Variants in ICAM2 observed in about 807,000 individuals in gnomAD.
The protein encoded by ICAM2 is intercellular adhesion molecule 2.
In ICAM2, 14 loss-of-function variants were observed where a neutral mutation model predicts 19.1. That is an observed-to-expected ratio of 0.73 (90% CI 0.48 to 1.15). The LOEUF is 1.15. Among genes scored for constraint, ICAM2 ranks in the 50% most tolerant of loss-of-function variants. The pLI is 0.00. For missense variants in ICAM2, 311 were observed against 355.4 expected, an observed-to-expected ratio of 0.88 and a Z score of 1.00; for synonymous variants, 153 against 152.7, an observed-to-expected ratio of 1.00 and a Z score of -0.01.
intron 1 of ICAM2, among the ~76,000 whole-genome samples, chr17:64,012,181 G>A (rs2079771): frequency 0.87 from 131,927 of 152,252 alleles, 60,370 homozygotes; most frequent in East Asian, 1. Flanking sequence ...GGCAAATACT[G>A]GCCAGGTATG....
At chr17:64,008,295 G>A (rs529468351) in intron 1 of ICAM2, among the ~76,000 whole-genome samples, 248 of 152,276 alleles carry the variant, frequency 1.6e-3, no homozygotes, top group African/African-American at 5.9e-3. Context: ...TGTGGGGCCA[G>A]CAAAGTCCTG....
At chr17:64,020,283 C>T (rs929022050) in intron 1 of ICAM2, 5 of 151,788 alleles carry the variant, frequency 3.3e-5, no homozygotes, top group Non-Finnish European at 7.3e-5. Flanking sequence ...GGAGACAAAT[C>T]AGGAAAGGAG....
chr17:64,006,452 A>G, intron 2 of ICAM2, 179 bp downstream of exon 2: 1 of 604,896 alleles, frequency 1.7e-6, no homozygotes, highest in Non-Finnish European at 3.0e-6. Flanking sequence ...AGCCATGATC[A>G]TGCCACTGTA....
chr17:64,005,431 G>T, intron 2 of ICAM2, 58 bp from the exon 3 acceptor site: 1 of 1,573,236 alleles, frequency 6.4e-7, no homozygotes, highest in South Asian at 1.2e-5. Flanking sequence ...GCCCTCCAGT[G>T]GAGCTGTCCA....
intron 1 of ICAM2, among the ~76,000 whole-genome samples, chr17:64,014,572 A>AAAGG (rs767997641): frequency 2.1e-5 from 3 of 140,678 alleles, no homozygotes; most frequent in African/African-American, 2.6e-5. Context: ...AGAGAGAGAG[A>AAAGG]AAGGAAGGAA....
chr17:64,018,713 C>CTTTTTTTT (rs67934258), intron 1 of ICAM2, among the ~76,000 whole-genome samples: 3 of 62,884 alleles, frequency 4.8e-5, no homozygotes, highest in Admixed American at 2.8e-4. Context: ...GTTTACTTCT[C>CTTTTTTTT]TTTTTTTTTT....
At chr17:64,013,236 T>TGGGGGG (rs923999394) in intron 1 of ICAM2, among the ~76,000 whole-genome samples, 4 of 152,038 alleles carry the variant, frequency 2.6e-5, no homozygotes, top group Admixed American at 2.6e-4. Context: ...TGCCTGAACA[T>TGGGGGG]GGGAGGCAGA....
Position 64,003,883 on chromosome 17 carries a change from G to A in ICAM2, c.410C>T (p.Pro137Leu), listed in dbSNP as rs1388491885. 6.2e-7 allele frequency: 1 copy of A among 1,614,170 alleles called. No individual in the cohort carries two copies. Among genetic ancestry groups the A allele is most frequent in the Admixed American group, 1.7e-5 (1 of 60,024 alleles). ...GKSFTIECRV[P>L]TVEPLDSLTL... ...GAGGCTGTCCAGGGGCTCCACGGTGGGCACCCTGCACTCAATGGTGAAGGA... is the reference window on the plus strand; with the variant it reads ...GAGGCTGTCCAGGGGCTCCACGGTGAGCACCCTGCACTCAATGGTGAAGGA... The change falls in exon 4 of 5, where the codon CCC (proline) becomes CTC (leucine). Residue 137 changes from proline (P) to leucine (L), a missense_variant. Coordinates refer to ENST00000579788, the MANE Select transcript of ICAM2 (RefSeq NM_001099789.2).
At chr17:64,012,566 C>T (rs1911498929) in intron 1 of ICAM2, among the ~76,000 whole-genome samples, 1 of 152,078 alleles carries the variant, frequency 6.6e-6, no homozygotes, top group Admixed American at 6.6e-5. Context: ...TGCCACTGCA[C>T]TCCAGCTTGG....
At chr17:64,007,412 G>A (rs115591100) in intron 1 of ICAM2, among the ~76,000 whole-genome samples, 130 of 152,062 alleles carry the variant, frequency 8.5e-4, no homozygotes, top group African/African-American at 2.8e-3. Flanking sequence ...ACAGGATCGC[G>A]TCACCACACC....
intron 1 of ICAM2, among the ~76,000 whole-genome samples, chr17:64,013,235 A>T (rs1419503824): frequency 6.6e-6 from 1 of 152,062 alleles, no homozygotes; most frequent in East Asian, 1.9e-4. Context: ...TTGCCTGAAC[A>T]TGGGAGGCAG....
chr17:64,003,027 G>A (rs1157822602), intron 4 of ICAM2, 102 bp from the exon 5 acceptor site: 14 of 1,003,134 alleles, frequency 1.4e-5, no homozygotes, highest in Admixed American at 1.0e-4. Flanking sequence ...CCCAGACCCC[G>A]CCGCCCGCTC....
At chr17:64,011,583 A>G (rs1040685487) in intron 1 of ICAM2, among the ~76,000 whole-genome samples, 10 of 152,062 alleles carry the variant, frequency 6.6e-5, no homozygotes, top group Admixed American at 5.2e-4. Context: ...TAGAATGGCT[A>G]TTTTCAAAAA....
At chr17:64,009,052 G>A (rs1911337267) in intron 1 of ICAM2, among the ~76,000 whole-genome samples, 1 of 152,192 alleles carries the variant, frequency 6.6e-6, no homozygotes, top group South Asian at 2.1e-4. Flanking sequence ...AATAGTTACT[G>A]TATTCTAACC....
At position 64,005,310 on chromosome 17, in the gene ICAM2, C is replaced by G. The variant is rs576041427; in HGVS notation, c.125G>C (p.Gly42Ala). The G allele has an allele frequency of 3.1e-6, 5 of 1,613,966 alleles. No individual in the cohort carries two copies. The highest frequency in any genetic ancestry group is 1.3e-5 in the African/African-American group (1 of 74,898). Reference protein sequence around the residue: ...RPKKLAVEPKGSLEVNCSTTC... With the variant: ...RPKKLAVEPKASLEVNCSTTC... ...GGTGCTGCAGTTGACCTCGAGGGAC[C>G]CTTTGGGCTCAACCGCCAGCTTCTT... The change falls in exon 3 of 5, where the codon GGG (glycine) becomes GCG (alanine). Residue 42 changes from glycine to alanine, a missense_variant. By Grantham distance (60) the Gly-to-Ala change is moderately conservative. Coordinates refer to ENST00000579788, the MANE Select transcript of ICAM2 (RefSeq NM_001099789.2).
chr17:64,002,686 C>T lies in ICAM2; in HGVS notation c.*61G>A. On this transcript the variant is annotated 3_prime_UTR_variant, in exon 5 of 5. Coordinates refer to ENST00000579788, the MANE Select transcript of ICAM2 (RefSeq NM_001099789.2). Reference sequence around the variant, plus strand: ...CCTTCAGCCAGGGCTGGACCTCAACCCTGAGGAGTCACACTGAGTTCCAGT... The same window carrying T: ...CCTTCAGCCAGGGCTGGACCTCAACTCTGAGGAGTCACACTGAGTTCCAGT... 4 of 1,495,440 alleles carry T rather than the reference C, an allele frequency of 2.7e-6. No individual in the cohort carries two copies. Among genetic ancestry groups the T allele is most frequent in the Non-Finnish European group, 3.7e-6 (4 of 1,090,808 alleles). 92.6% of individuals were successfully genotyped at this position (1,495,440 alleles called of 1,614,324 possible). A position where few individuals can be genotyped will look rare whatever the true frequency, so the allele number is the denominator to read the frequency against.
chr17:64,007,708 C>G (rs764941069), intron 1 of ICAM2: 1 of 152,326 alleles, frequency 6.6e-6, no homozygotes. Flanking sequence ...TGCAGCCACA[C>G]CCCCAAACCA....
chr17:64,009,621 T>A (rs1233207975), intron 1 of ICAM2, among the ~76,000 whole-genome samples: 1 of 152,124 alleles, frequency 6.6e-6, no homozygotes, highest in Non-Finnish European at 1.5e-5. Context: ...AGAGAGTTAC[T>A]GTGGGGCTTG....
chr17:64,003,856 G>A lies in ICAM2; in HGVS notation c.437C>T (p.Thr146Ile). The A allele has an allele frequency of 6.2e-7, 1 of 1,614,248 alleles. No individual in the cohort carries two copies. The highest frequency in any genetic ancestry group is 2.2e-5 in the East Asian group (1 of 44,890). Residue 146 changes from threonine to isoleucine, a missense_variant, in exon 4 of 5, where the codon ACC becomes ATC. Coordinates refer to ENST00000579788, the MANE Select transcript of ICAM2 (RefSeq NM_001099789.2). ...VPTVEPLDSLTLFLFRGNETL... is the reference protein window; with the variant it reads ...VPTVEPLDSLILFLFRGNETL... ...CTCATTGCCACGGAACAGGAAGAGG[G>A]TGAGGCTGTCCAGGGGCTCCACGGT...
Sources: gnomAD v4.1 joint callset for allele counts (sites outside exome capture counted in the v4.1 genomes callset) on GRCh38, gnomAD v4.1.1 for gene constraint, MANE v1.5 for transcripts, NCBI Gene and HGNC (gene_info 2026-07-23, HGNC 2026-07-21) for gene names.